MARCHF1: variants seen among roughly 807,000 people sequenced by gnomAD.
MARCHF1 encodes the protein E3 ubiquitin-protein ligase MARCHF1.
Under a neutral mutation model 54.2 loss-of-function variants are expected in MARCHF1, and 40 were observed. The ratio of observed to expected loss-of-function variants is 0.74; its 90% CI spans 0.57 to 0.96. The LOEUF (loss-of-function observed/expected upper bound fraction) is 0.96. MARCHF1 is among the 40% of genes least tolerant of loss of function. MARCHF1 has a pLI of 0.00. For synonymous variants in MARCHF1, 236 were observed against 236.3 expected (o/e 1.00, Z 0.01); for missense variants, 586 against 656.5 (o/e 0.89, Z 1.17).
At chr4:163,891,090 C>T (rs1750651309) in intron 3 of MARCHF1, among the ~76,000 whole-genome samples, 1 of 151,972 alleles carries the variant, frequency 6.6e-6, no homozygotes, top group Non-Finnish European at 1.5e-5. Flanking sequence ...CAGGGGACAT[C>T]ATGTGAGGAG....
Position 163,973,599 on chromosome 4 carries a change from G to A in MARCHF1, c.-39+14902C>T, listed in dbSNP as rs551601511. On this transcript the variant is annotated intron_variant, in intron 3 of 9. Transcript: ENST00000514618. Reference sequence around the variant, plus strand: ...CACTACCAAAGGACTTCAATACAGGGAGATGAAAACAAATACGGGTTGTTA... The same window carrying A: ...CACTACCAAAGGACTTCAATACAGGAAGATGAAAACAAATACGGGTTGTTA... Among the ~76,000 whole-genome samples the A allele has an allele frequency of 9.8e-5, 15 of 152,298 alleles. No individual in the cohort carries two copies. The East Asian group carries it at 2.3e-3, about 23-fold the overall frequency.
chr4:163,599,714 T>C (rs184080098), intron 7 of MARCHF1, among the ~76,000 whole-genome samples: 96 of 152,318 alleles, frequency 6.3e-4, no homozygotes, highest in African/African-American at 2.2e-3. Flanking sequence ...CCTAGATGGC[T>C]AGGTCCCACT....
intron 5 of MARCHF1, among the ~76,000 whole-genome samples, chr4:163,616,903 T>C (rs1035905728): frequency 6.6e-6 from 1 of 152,114 alleles, no homozygotes; most frequent in Non-Finnish European, 1.5e-5. Flanking sequence ...AATCCCACTA[T>C]ACTGGGTATT....
intron 4 of MARCHF1, among the ~76,000 whole-genome samples, chr4:163,747,210 AT>A (rs1231106424): frequency 6.6e-6 from 1 of 152,250 alleles, no homozygotes; most frequent in Non-Finnish European, 1.5e-5. Context: ...GAGGGGAAAA[AT>A]ATTCTCCTTT....
intron 1 of MARCHF1, among the ~76,000 whole-genome samples, chr4:164,176,177 A>G (rs1730657569): frequency 1.3e-5 from 2 of 152,268 alleles, no homozygotes; most frequent in East Asian, 1.9e-4. Flanking sequence ...ACTTACCTCA[A>G]ACCTTTACAG....
At chr4:163,853,456 ATAGC>A (rs1411063890) in intron 4 of MARCHF1, among the ~76,000 whole-genome samples, 1 of 152,232 alleles carries the variant, frequency 6.6e-6, no homozygotes, top group Non-Finnish European at 1.5e-5. Context: ...CTGGAAAATG[ATAGC>A]TAGTTAAAGC....
At chr4:164,172,913 G>A (rs898923324) in intron 1 of MARCHF1, among the ~76,000 whole-genome samples, 3 of 151,090 alleles carry the variant, frequency 2.0e-5, no homozygotes, top group Non-Finnish European at 1.5e-5. Context: ...CCCGCAAGGC[G>A]GAGCTTGCAG....
At chr4:163,752,168 G>A (rs1348848435) in intron 4 of MARCHF1, among the ~76,000 whole-genome samples, 2 of 152,052 alleles carry the variant, frequency 1.3e-5, no homozygotes, top group Admixed American at 6.6e-5. Context: ...TATCTTATAC[G>A]ACATCCAAAA....
chr4:163,605,197 C>G (rs1359142140), intron 7 of MARCHF1, among the ~76,000 whole-genome samples: 1 of 152,064 alleles, frequency 6.6e-6, no homozygotes, highest in Non-Finnish European at 1.5e-5. Context: ...CTACAAAGAA[C>G]TTAAGCAAAT....
intron 1 of MARCHF1, among the ~76,000 whole-genome samples, chr4:164,199,040 C>T (rs1238736108): frequency 6.6e-6 from 1 of 152,082 alleles, no homozygotes; most frequent in East Asian, 1.9e-4. Context: ...TAGTAAAATG[C>T]TTGTGGATTT....
chr4:164,096,651 G>A (rs1391917677), intron 2 of MARCHF1, among the ~76,000 whole-genome samples: 2 of 151,818 alleles, frequency 1.3e-5, no homozygotes, highest in East Asian at 3.9e-4. Flanking sequence ...TGAACACAAA[G>A]TAAAAAGAAT....
intron 4 of MARCHF1, among the ~76,000 whole-genome samples, chr4:163,847,286 GATT>G (rs1363935291): frequency 1.3e-5 from 2 of 152,070 alleles, no homozygotes; most frequent in African/African-American, 4.8e-5. Context: ...GAAAACAAAA[GATT>G]ATGACAAAAT....
rs548470070 is a variant in MARCHF1 at position 163,602,240 on chromosome 4, G to A, written c.1010+10031C>T. 5.3e-5 allele frequency among the ~76,000 whole-genome samples: 8 copies of A among 152,114 alleles called. No individual in the cohort carries two copies. In the South Asian group the frequency reaches 1.7e-3, roughly 32 times the overall value. ...ATAAACATTTTACTTCTCTTTGTTG[G>A]AGAAATGCTTACTCTGTAAAGCACA... On this transcript the variant is annotated intron_variant, in intron 7 of 9. Coordinates refer to ENST00000514618, the MANE Select transcript of MARCHF1 (RefSeq NM_001394959.1).
At chr4:164,373,792 C>G (rs1469411840) in intron 1 of MARCHF1, among the ~76,000 whole-genome samples, 3 of 152,196 alleles carry the variant, frequency 2.0e-5, no homozygotes, top group South Asian at 2.1e-4. Context: ...TTACACCCCA[C>G]TCACTGCTAA....
chr4:164,057,212 A>G (rs1213531831), intron 2 of MARCHF1, among the ~76,000 whole-genome samples: 1 of 152,200 alleles, frequency 6.6e-6, no homozygotes, highest in Non-Finnish European at 1.5e-5. Flanking sequence ...ATACTTTTTT[A>G]TAATAATCAT....
At chr4:163,704,699 T>A (rs973590322) in intron 4 of MARCHF1, among the ~76,000 whole-genome samples, 17 of 151,698 alleles carry the variant, frequency 1.1e-4, no homozygotes, top group African/African-American at 3.4e-4. Context: ...ATAGAATATA[T>A]AATATTAAAA....
intron 1 of MARCHF1, among the ~76,000 whole-genome samples, chr4:164,358,506 T>C (rs529368524): frequency 1.1e-3 from 175 of 152,304 alleles, no homozygotes; most frequent in African/African-American, 4.1e-3. Flanking sequence ...AAACAGGATA[T>C]CTGAAATTAG....
intron 1 of MARCHF1, among the ~76,000 whole-genome samples, chr4:164,240,079 G>T (rs1732693197): frequency 6.6e-6 from 1 of 152,252 alleles, no homozygotes; most frequent in Middle Eastern, 3.4e-3. Context: ...AAATGAAATA[G>T]ATTGTTCATC....
chr4:164,205,251 G>GT (rs1731574108), intron 1 of MARCHF1, among the ~76,000 whole-genome samples: 1 of 152,168 alleles, frequency 6.6e-6, no homozygotes, highest in Non-Finnish European at 1.5e-5. Context: ...ATGAGAGCTT[G>GT]TATTTACTGA....
Sources: allele counts gnomAD v4.1 joint callset (sites outside exome capture counted in the v4.1 genomes callset), GRCh38; gene constraint gnomAD v4.1.1; transcripts MANE v1.5; gene names NCBI Gene and HGNC (gene_info 2026-07-23, HGNC 2026-07-21).